Variants in RNPEPL1 observed in about 807,000 individuals in gnomAD.
RNPEPL1 encodes arginyl aminopeptidase like 1, also known as aminopeptidase RNPEPL1.
A neutral mutation model predicts 69.0 loss-of-function variants in RNPEPL1; 46 were observed. The ratio of observed to expected loss-of-function variants is 0.67; its 90% CI spans 0.53 to 0.85. The LOEUF (loss-of-function observed/expected upper bound fraction) is 0.85, where lower values mean the gene tolerates loss of function less well. RNPEPL1 is among the 40% of genes least tolerant of loss of function. The probability of loss-of-function intolerance (pLI) is 0.00; values close to 1 mark genes in which losing one functional copy is unlikely to be tolerated. For synonymous variants in RNPEPL1, 525 were observed against 454.1 expected, an observed-to-expected ratio of 1.16 and a Z score of -1.98; for missense variants, 869 against 992.5, an observed-to-expected ratio of 0.88 and a Z score of 1.67.
chr2:240,572,596 C>T, intron 2 of RNPEPL1, 33 bp downstream of exon 2: 1 of 1,535,002 alleles, frequency 6.5e-7, no homozygotes, highest in Non-Finnish European at 8.7e-7. Flanking sequence ...CACCTTGCTC[C>T]CAGGACAGCC....
chr2:240,575,437 C>T, intron 7 of RNPEPL1, 65 bp from the exon 8 acceptor site: 2 of 1,381,912 alleles, frequency 1.4e-6, no homozygotes, highest in South Asian at 1.2e-5. Context: ...GCCCTGCAGG[C>T]CTCTGGTGGG....
chr2:240,577,814 G>A lies in RNPEPL1; in HGVS notation c.2100G>A (p.Ser700=), dbSNP rs746303741. 1.7e-5 allele frequency: 27 copies of A among 1,607,016 alleles called. No individual in the cohort carries two copies. In the East Asian group the frequency reaches 2.0e-4, roughly 12 times the overall value. The change falls in exon 11 of 11, where the codon TCG becomes TCA. Residue 700 remains serine, a synonymous_variant. Coordinates refer to ENST00000270357, the MANE Select transcript of RNPEPL1 (RefSeq NM_018226.6). ...ELGKAEADTD[S]DAQALLLGDE... ...GCAAGGCTGAAGCAGACACAGACTC[G>A]GACGCACAGGCCCTGCTGCTTGGGG...
intron 2 of RNPEPL1, 77 bp downstream of exon 2, chr2:240,572,640 C>T (rs1442803237): frequency 1.3e-6 from 2 of 1,501,770 alleles, no homozygotes; most frequent in Admixed American, 4.0e-5. Context: ...CCCCTTGCTC[C>T]TACCTGCCTG....
chr2:240,571,392 T>C (rs1214577663), intron 1 of RNPEPL1, among the ~76,000 whole-genome samples: 1 of 152,210 alleles, frequency 6.6e-6, no homozygotes, highest in Middle Eastern at 3.2e-3. Flanking sequence ...GGAGGGCCTC[T>C]GCACGAAGAG....
In RNPEPL1 at chr2:240,568,988, G is replaced by T. The variant is rs1316711490; in HGVS notation, c.402G>T (p.Pro134=). ...CCGGCTCCGAGCCCGCCTGCTGTCC[G>T]CTGGCCTTCAGGGTGGACCCGTTCA... ...EAPGSEPACC[P]LAFRVDPFTD... Residue 134 remains proline, a synonymous_variant, in exon 1 of 11, where the codon CCG becomes CCT. Coordinates refer to ENST00000270357, the MANE Select transcript of RNPEPL1 (RefSeq NM_018226.6). This position sits in a 1 kb window ranked among gnomAD's most constrained non-coding sequence, Gnocchi z 6.2. 7 of 1,483,704 alleles carry T rather than the reference G, an allele frequency of 4.7e-6. No homozygotes were observed. The highest frequency in any genetic ancestry group is 6.2e-6 in the Non-Finnish European group (7 of 1,123,302). 91.9% of individuals were successfully genotyped at this position (1,483,704 alleles called of 1,614,324 possible). A position where few individuals can be genotyped will look rare whatever the true frequency, so the allele number is the denominator to read the frequency against.
At chr2:240,571,941 G>C (rs992990664) in intron 1 of RNPEPL1, among the ~76,000 whole-genome samples, 2 of 152,130 alleles carry the variant, frequency 1.3e-5, no homozygotes, top group African/African-American at 2.4e-5. Context: ...GGGCCCGGGC[G>C]TGCTGCCTGC....
intron 1 of RNPEPL1, among the ~76,000 whole-genome samples, chr2:240,570,747 C>G (rs2093018899): frequency 6.6e-6 from 1 of 152,164 alleles, no homozygotes; most frequent in African/African-American, 2.4e-5. Flanking sequence ...CAGCCTTGTT[C>G]CTTTTCCACC....
rs2093039759 is a variant in RNPEPL1 at position 240,576,982 on chromosome 2, G to T, written c.1876G>T (p.Glu626Ter). The T allele has an allele frequency of 6.2e-7, 1 of 1,612,926 alleles. No individual in the cohort carries two copies. Among genetic ancestry groups the T allele is most frequent in the South Asian group, 1.1e-5 (1 of 91,060 alleles). ...PDLHRVRRFL[E>*]SQMSRMYTIP... ...CCTCCACAGGGTGCGGCGCTTCCTG[G>T]AGAGCCAGGTGCGGTCACCTGCCCA... The change falls in exon 10 of 11, where the codon GAG becomes TAG. Residue 626 changes from glutamate to a stop codon, truncating the protein, a stop_gained. Transcript: ENST00000270357. LOFTEE classifies it high-confidence loss of function.
rs778514841 is a variant in RNPEPL1, at chr2:240,579,788, G to A, written c.*1896G>A. On this transcript the variant is annotated 3_prime_UTR_variant, in exon 11 of 11. Coordinates refer to ENST00000270357, the MANE Select transcript of RNPEPL1 (RefSeq NM_018226.6). ...GCTCAGTGGCAGAACTGCTTTCTCA[G>A]CCTCTTCCCCGCCAAGGTTGTTTTC... The A allele has an allele frequency of 6.6e-6, 1 of 152,274 alleles. No individual in the cohort carries two copies. Among genetic ancestry groups the A allele is most frequent in the Non-Finnish European group, 1.5e-5 (1 of 68,072 alleles). The allele number at this position is 152,274 out of a possible 1,614,324, so 9.4% of individuals were successfully genotyped here.
Position 240,574,055 on chromosome 2 carries a change from G to A in RNPEPL1, c.939-58G>A. 4 of 1,510,480 alleles carry A rather than the reference G, an allele frequency of 2.6e-6. No homozygotes were observed. In the South Asian group the frequency reaches 3.5e-5, roughly 13 times the overall value. The allele number at this position is 1,510,480 out of a possible 1,614,324, so 93.6% of individuals were successfully genotyped here. On this transcript the variant is annotated intron_variant, in intron 4 of 10. Transcript: ENST00000270357. The stretch of plus-strand genomic sequence containing the variant: ...GCTGGGTGGAAGGTGGGGTGCGGGT[G>A]TGCAGGGTGGGAGTCTGAGCCCCGA...
rs1553611281 is a variant in RNPEPL1 at position 240,580,649 on chromosome 2, C to G, written c.*2757C>G. ...GGGGCTCACACTGGCAGTGGAAGTT[C>G]TAAGGGGCCTACAACCACAGGGGCT... On this transcript the variant is annotated 3_prime_UTR_variant, in exon 11 of 11. Coordinates refer to ENST00000270357, the MANE Select transcript of RNPEPL1 (RefSeq NM_018226.6). The G allele has an allele frequency of 6.6e-6, 1 of 152,200 alleles. No homozygotes were observed. The highest frequency in any genetic ancestry group is 1.5e-5 in the Non-Finnish European group (1 of 68,056). 9.4% of individuals were successfully genotyped at this position (152,200 alleles called of 1,614,324 possible).
rs1291532126 is a variant in RNPEPL1 at position 240,577,674 on chromosome 2, T to G, written c.1960T>G (p.Phe654Val). 1.2e-6 allele frequency: 2 copies of G among 1,612,702 alleles called. No homozygotes were observed. Among genetic ancestry groups the G allele is most frequent in the Non-Finnish European group, 8.5e-7 (1 of 1,179,674 alleles). ...CCTCAAGTCCTTCGCGCTGGAGGTC[T>G]TCTACCAGACGCAGGGCCGGCTGCA... ...GALKSFALEV[F>V]YQTQGRLHPN... Residue 654 changes from phenylalanine to valine, a missense_variant, in exon 11 of 11, where the codon TTC (phenylalanine) becomes GTC (valine). Transcript: ENST00000270357.
intron 10 of RNPEPL1, 35 bp downstream of exon 10, chr2:240,577,025 G>A (rs767887468): frequency 7.5e-6 from 12 of 1,609,908 alleles, no homozygotes; most frequent in Admixed American, 5.0e-5. Flanking sequence ...AGCCTGGAAC[G>A]GCCTAGCCGT....
In RNPEPL1 at chr2:240,573,222, T is replaced by A. The variant is rs1301394846; in HGVS notation, c.782T>A (p.Leu261Gln). 1 of 1,576,382 alleles carries A rather than the reference T, an allele frequency of 6.3e-7. No individual in the cohort carries two copies. The highest frequency in any genetic ancestry group is 8.6e-7 in the Non-Finnish European group (1 of 1,161,460). ...CCCGTGCCCGCCTACCTCGTGGCCCTGGTGGCCGGAGACCTCAAGCCGGCA... is the reference window on the plus strand; with the variant it reads ...CCCGTGCCCGCCTACCTCGTGGCCCAGGTGGCCGGAGACCTCAAGCCGGCA... ...EHPVPAYLVALVAGDLKPADI... is the reference protein window; with the variant it reads ...EHPVPAYLVAQVAGDLKPADI... Residue 261 changes from leucine to glutamine, a missense_variant, in exon 3 of 11, where the codon CTG becomes CAG. Leu to Gln is a moderately radical substitution (Grantham distance 113). Around this residue, in one of 2 missense-constraint regions of RNPEPL1, gnomAD observed 610 missense variants for 790.9 expected, o/e 0.77. Coordinates refer to ENST00000270357, the MANE Select transcript of RNPEPL1 (RefSeq NM_018226.6).
At position 240,575,537 on chromosome 2, in the gene RNPEPL1, G is replaced by A; in HGVS notation, c.1437G>A (p.Val479=). The A allele has an allele frequency of 6.2e-7, 1 of 1,613,576 alleles. No individual in the cohort carries two copies. The highest frequency in any genetic ancestry group is 8.5e-7 in the Non-Finnish European group (1 of 1,179,992). ...YVEKYKFTSV[V]AQDLLDSFLS... ...AGAAGTACAAGTTCACCAGCGTGGT[G>A]GCCCAGGACCTGCTGGACTCCTTCC... Residue 479 remains valine (V), a synonymous_variant, in exon 8 of 11, where the codon GTG becomes GTA. Transcript: ENST00000270357.
At position 240,568,924 on chromosome 2, in the gene RNPEPL1, C is replaced by T; in HGVS notation, c.338C>T (p.Pro113Leu). 7.6e-7 allele frequency: 1 copy of T among 1,316,934 alleles called. No homozygotes were observed. The highest frequency in any genetic ancestry group is 1.5e-5 in the African/African-American group (1 of 64,746). 81.6% of individuals were successfully genotyped at this position (1,316,934 alleles called of 1,614,324 possible). The change falls in exon 1 of 11, where the codon CCC becomes CTC. Residue 113 changes from proline to leucine, a missense_variant. Pro to Leu is a moderately conservative substitution (Grantham distance 98). Transcript: ENST00000270357. The surrounding 1 kb of genome is among the most constrained non-coding windows in gnomAD (Gnocchi z 6.2). Reference protein sequence around the residue: ...AFAFSAPGPGPAPPPPLPAFP... With the variant: ...AFAFSAPGPGLAPPPPLPAFP... The stretch of plus-strand genomic sequence containing the variant: ...GCCTTCTCCGCCCCCGGGCCGGGGC[C>T]CGCGCCGCCGCCCCCGCTGCCCGCC...
At position 240,568,776 on chromosome 2, in the gene RNPEPL1, G is replaced by A; in HGVS notation, c.190G>A (p.Glu64Lys). Residue 64 changes from glutamate to lysine, a missense_variant, in exon 1 of 11, where the codon GAG becomes AAG. Glu to Lys is a moderately conservative substitution (Grantham distance 56). Coordinates refer to ENST00000270357, the MANE Select transcript of RNPEPL1 (RefSeq NM_018226.6). This position sits in a 1 kb window ranked among gnomAD's most constrained non-coding sequence, Gnocchi z 6.2. ...CGAGTTGGCCGGCTGCCTGGTGCTC[G>A]AGCTGTGCGCGCTGCGGCCCGCGCC... is the stretch of plus-strand genomic sequence containing the variant. ...ARELAGCLVL[E>K]LCALRPAPRA... 1.9e-6 allele frequency: 2 copies of A among 1,075,308 alleles called. No homozygotes were observed. Among genetic ancestry groups the A allele is most frequent in the Non-Finnish European group, 2.3e-6 (2 of 887,168 alleles). 66.6% of individuals were successfully genotyped at this position (1,075,308 alleles called of 1,614,324 possible).
rs143177046 is a variant in RNPEPL1 at position 240,579,350 on chromosome 2, G to GCCCCT, written c.*1472_*1476dup. ...CCCTCCTTCCTGTTCTGGATGCCCC[G>GCCCCT]CCCCTCCCCTCCCCTCCCAAGGACA... On this transcript the variant is annotated 3_prime_UTR_variant, in exon 11 of 11. Transcript: ENST00000270357. 0.057 allele frequency: 8,420 copies of GCCCCT among 146,558 alleles called. 545 individuals are homozygous for GCCCCT. Among genetic ancestry groups the GCCCCT allele is most frequent in the East Asian group, 0.23 (1,058 of 4,620 alleles). The allele number at this position is 146,558 out of a possible 1,614,324, so 9.1% of individuals were successfully genotyped here.
rs112076847 is a variant in RNPEPL1, at chr2:240,575,109, C to T, written c.1368C>T (p.Cys456=). The T allele has an allele frequency of 4.0e-5, 64 of 1,613,578 alleles. No homozygotes were observed. The South Asian group carries it at 5.7e-4, about 14-fold the overall frequency. Residue 456 remains cysteine, a synonymous_variant, in exon 7 of 11, where the codon TGC becomes TGT. Transcript: ENST00000270357. ...YCFVYYLSQL[C]GDPQRFDDFL... ...TCGTGTACTACCTGTCCCAGCTCTG[C>T]GGAGACCCACAGCGCTTTGATGACT...
Sources: gnomAD v4.1 joint callset for allele counts (sites outside exome capture counted in the v4.1 genomes callset) on GRCh38, gnomAD v4.1.1 for gene constraint, gnomAD v4.1.1 regional missense constraint, Gnocchi (gnomAD v3.1) non-coding constraint, MANE v1.5 for transcripts, NCBI Gene and HGNC (gene_info 2026-07-23, HGNC 2026-07-21) for gene names.